ZNF429: variants seen among roughly 807,000 people sequenced by gnomAD.
ZNF429 encodes zinc finger protein 429.
A neutral mutation model predicts 56.8 loss-of-function variants in ZNF429; 53 were observed. The ratio of observed to expected loss-of-function variants is 0.93; its 90% CI spans 0.75 to 1.17. The LOEUF (loss-of-function observed/expected upper bound fraction) is 1.17. ZNF429 is among the 50% of genes most tolerant of loss of function. ZNF429 has a pLI of 0.00. For missense variants in ZNF429, 849 were observed against 788.4 expected (o/e 1.08, Z -0.92); for synonymous variants, 278 against 264.7 (o/e 1.05, Z -0.49).
chr19:21,512,842 G>A lies in ZNF429; in HGVS notation c.3+7068G>A, dbSNP rs184098388. Among the ~76,000 whole-genome samples the A allele has an allele frequency of 7.2e-4, 109 of 151,912 alleles. 1 individual carries two copies. The highest frequency in any genetic ancestry group is 2.5e-3 in the African/African-American group (103 of 41,456). On this transcript the variant is annotated intron_variant, in intron 1 of 3. Coordinates refer to ENST00000358491, the MANE Select transcript of ZNF429 (RefSeq NM_001001415.4). ...TGTGCAGAGTCTATGTCTGGCTTAT[G>A]TGACAGGTAAGAATAGAGAGCACCA... is the stretch of plus-strand genomic sequence containing the variant.
At chr19:21,530,538 G>C in intron 2 of ZNF429, 51 bp from the exon 3 acceptor site, 1 of 1,342,454 alleles carries the variant, frequency 7.4e-7, no homozygotes, top group East Asian at 2.4e-5. Flanking sequence ...TACTAAATTG[G>C]TAATTACAGA....
intron 3 of ZNF429, among the ~76,000 whole-genome samples, chr19:21,530,981 C>T: frequency 2.3e-4 from 35 of 151,806 alleles, no homozygotes; most frequent in Admixed American, 1.4e-3. Flanking sequence ...TGTCACATGC[C>T]TGCAATCCCA....
Position 21,536,642 on chromosome 19 carries a change from A to G in ZNF429, c.589A>G (p.Arg197Gly), listed in dbSNP as rs868682315. 1.2e-6 allele frequency: 2 copies of G among 1,613,760 alleles called. No individual in the cohort carries two copies. The highest frequency in any genetic ancestry group is 1.7e-6 in the Non-Finnish European group (2 of 1,179,884). The change falls in exon 4 of 4, where the codon AGA becomes GGA. Residue 197 changes from arginine to glycine, a missense_variant. By Grantham distance (125) the Arg-to-Gly change is moderately radical. Transcript: ENST00000358491. ...AACTCAACATAAGAAAATTCATATT[A>G]GAGAGAATACCTACAGATGTAAAGA... Reference protein sequence around the residue: ...QLTQHKKIHIRENTYRCKEFG... With the variant: ...QLTQHKKIHIGENTYRCKEFG...
intron 1 of ZNF429, among the ~76,000 whole-genome samples, chr19:21,525,873 T>A (rs2033149525): frequency 1.5e-5 from 2 of 129,656 alleles, no homozygotes; most frequent in Admixed American, 8.0e-5. Context: ...AACAGAAAAA[T>A]TAAAATTCTG....
At chr19:21,531,123 AAAAAAAC>A in intron 3 of ZNF429, among the ~76,000 whole-genome samples, 12 of 93,366 alleles carry the variant, frequency 1.3e-4, no homozygotes, top group East Asian at 4.9e-4. Flanking sequence ...AAAAAAAAAA[AAAAAAAC>A]CAAAAAAAAA....
At chr19:21,525,577 T>C (rs934719427) in intron 1 of ZNF429, among the ~76,000 whole-genome samples, 3 of 152,060 alleles carry the variant, frequency 2.0e-5, no homozygotes, top group Non-Finnish European at 4.4e-5. Context: ...TTGCTACCTT[T>C]CTAGAGCTGG....
chr19:21,529,423 C>A, intron 1 of ZNF429: 1 of 826,432 alleles, frequency 1.2e-6, no homozygotes, highest in Non-Finnish European at 1.5e-6. Context: ...GTCATGTGTA[C>A]ACTGATGTTG....
At chr19:21,535,720 TG>T in intron 3 of ZNF429, among the ~76,000 whole-genome samples, 1 of 151,814 alleles carries the variant, frequency 6.6e-6, no homozygotes, top group African/African-American at 2.4e-5. Flanking sequence ...TTCACCATGT[TG>T]GCCAGGCTGG....
chr19:21,509,891 C>G (rs988111216), intron 1 of ZNF429, among the ~76,000 whole-genome samples: 1 of 151,842 alleles, frequency 6.6e-6, no homozygotes, highest in Non-Finnish European at 1.5e-5. Flanking sequence ...CAGACAAAGC[C>G]TTTCTTTTCT....
intron 1 of ZNF429, among the ~76,000 whole-genome samples, chr19:21,510,345 C>T (rs1045149742): frequency 1.0e-3 from 159 of 152,198 alleles, no homozygotes; most frequent in African/African-American, 3.7e-3. Context: ...CCAGGAACCT[C>T]TGGGAAGGAG....
chr19:21,525,504 C>G (rs2033130742), intron 1 of ZNF429, among the ~76,000 whole-genome samples: 1 of 152,074 alleles, frequency 6.6e-6, no homozygotes, highest in Admixed American at 6.6e-5. Flanking sequence ...TTGGTCTGGC[C>G]CCACTCTGGA....
At chr19:21,523,845 G>A (rs1297276753) in intron 1 of ZNF429, among the ~76,000 whole-genome samples, 2 of 151,584 alleles carry the variant, frequency 1.3e-5, no homozygotes, top group African/African-American at 2.4e-5. Context: ...CAGCCTCTAT[G>A]AGGAGATCTC....
chr19:21,518,004 G>T (rs894887941), intron 1 of ZNF429, among the ~76,000 whole-genome samples: 2 of 92,052 alleles, frequency 2.2e-5, no homozygotes, highest in Admixed American at 1.1e-4. Flanking sequence ...AGCCAGGATG[G>T]TCTCTTATCT....
Position 21,538,467 on chromosome 19 carries a change from G to A in ZNF429, c.*389G>A, listed in dbSNP as rs1276905648. Among the ~76,000 whole-genome samples the A allele has an allele frequency of 6.6e-6, 1 of 151,832 alleles. No individual in the cohort carries two copies. Among genetic ancestry groups the A allele is most frequent in the African/African-American group, 2.4e-5 (1 of 41,332 alleles). On this transcript the variant is annotated 3_prime_UTR_variant, in exon 4 of 4. Transcript: ENST00000358491. Reference sequence around the variant, plus strand: ...ATACAAAAATTAGCTGGATGTGGTGGCACATGCCTGTAGTCCTAGCTACTT... The same window carrying A: ...ATACAAAAATTAGCTGGATGTGGTGACACATGCCTGTAGTCCTAGCTACTT...
chr19:21,518,812 C>A (rs900073888), intron 1 of ZNF429: 1 of 130,724 alleles, frequency 7.6e-6, no homozygotes, highest in African/African-American at 2.8e-5. Flanking sequence ...CCCACCTCAG[C>A]CTTCCAAAGT....
chr19:21,528,904 C>T (rs2033267183), intron 1 of ZNF429, among the ~76,000 whole-genome samples: 1 of 152,132 alleles, frequency 6.6e-6, no homozygotes, highest in East Asian at 1.9e-4. Flanking sequence ...TAATGATTCA[C>T]TTGGTTAAAG....
intron 1 of ZNF429, among the ~76,000 whole-genome samples, chr19:21,514,546 G>A (rs1000058279): frequency 5.9e-5 from 9 of 151,472 alleles, no homozygotes; most frequent in South Asian, 2.1e-4. Flanking sequence ...ACAGCATTCC[G>A]TGATGTTTAT....
chr19:21,512,833 C>G (rs2032564226), intron 1 of ZNF429, among the ~76,000 whole-genome samples: 1 of 151,744 alleles, frequency 6.6e-6, no homozygotes, highest in Non-Finnish European at 1.5e-5. Context: ...GAGTCTATGT[C>G]TGGCTTATGT....
chr19:21,511,405 C>T (rs1344370471), intron 1 of ZNF429, among the ~76,000 whole-genome samples: 7 of 148,554 alleles, frequency 4.7e-5, no homozygotes, highest in East Asian at 2.0e-4. Context: ...GACAGGGTCA[C>T]GGCCGGGCAG....
Sources: gnomAD v4.1 joint callset for allele counts (sites outside exome capture counted in the v4.1 genomes callset) on GRCh38, gnomAD v4.1.1 for gene constraint, MANE v1.5 for transcripts, NCBI Gene and HGNC (gene_info 2026-07-23, HGNC 2026-07-21) for gene names.